Variants in ACAD11 observed in about 807,000 individuals in gnomAD.
ACAD11 encodes acyl-Coenzyme A dehydrogenase family, member 11.
ACAD11 carries 83 observed loss-of-function variants against 102.2 expected under a neutral mutation model. The ratio of observed to expected loss-of-function variants is 0.81; its 90% CI spans 0.68 to 0.97. The LOEUF (loss-of-function observed/expected upper bound fraction) is 0.97. Ranked by LOEUF, ACAD11 falls within the 50% of genes least tolerant of loss-of-function variation. ACAD11 has a pLI of 0.00. For missense variants in ACAD11, 901 were observed against 951.7 expected (o/e 0.95, Z 0.70); for synonymous variants, 324 against 319.8 (o/e 1.01, Z -0.14).
At chr3:132,601,225 C>G in intron 13 of ACAD11, 1 of 1,613,930 alleles carries the variant, frequency 6.2e-7, no homozygotes, top group Non-Finnish European at 8.5e-7. Flanking sequence ...CCAGCTGCAA[C>G]ATGAGCAAAC....
intron 13 of ACAD11, chr3:132,601,570 GA>G (rs2107822514): frequency 1.6e-6 from 1 of 612,918 alleles, no homozygotes; most frequent in East Asian, 2.8e-5. Context: ...TTATAATAAA[GA>G]ATGGGTTGGG....
At position 132,658,213 on chromosome 3, in the gene ACAD11, C is replaced by A. The variant is rs1028599345; in HGVS notation, c.149+1390G>T. Among the ~76,000 whole-genome samples, 3 of 150,680 alleles carry A rather than the reference C, an allele frequency of 2.0e-5. No individual in the cohort carries two copies. The East Asian group carries it at 5.9e-4, about 29-fold the overall frequency. Reference sequence around the variant, plus strand: ...GATTGATTCTTTTGAGTTTCTGAGACTTCCTTCATGGCCTATGTGTTTTCA... The same window carrying A: ...GATTGATTCTTTTGAGTTTCTGAGAATTCCTTCATGGCCTATGTGTTTTCA... On this transcript the variant is annotated intron_variant, in intron 1 of 19. Transcript: ENST00000264990.
intron 13 of ACAD11, chr3:132,600,275 T>C (rs1938509884): frequency 3.4e-6 from 3 of 879,256 alleles, no homozygotes; most frequent in South Asian, 3.8e-5. Context: ...CAGGCTCACA[T>C]ATGTTACAGC....
At chr3:132,591,204 G>T (rs1371977093) in intron 13 of ACAD11, among the ~76,000 whole-genome samples, 4 of 152,128 alleles carry the variant, frequency 2.6e-5, no homozygotes, top group African/African-American at 9.7e-5. Context: ...TACGGGTCCA[G>T]CTTCAATCTT....
Position 132,568,439 on chromosome 3 carries a change from T to C in ACAD11, c.2002-7222A>G, listed in dbSNP as rs78569896. Among the ~76,000 whole-genome samples the C allele has an allele frequency of 2.6e-3, 390 of 152,294 alleles. 4 individuals carry two copies. Among genetic ancestry groups the C allele is most frequent in the African/African-American group, 8.4e-3 (348 of 41,570 alleles). On this transcript the variant is annotated intron_variant, in intron 17 of 19. Transcript: ENST00000264990. ...GGAGAGATATACCAGGTTCACAGAA[T>C]AGAAAACTCCACATAGTAAAGATAT...
At chr3:132,614,540 T>A (rs1179481540) in intron 11 of ACAD11, among the ~76,000 whole-genome samples, 1 of 152,132 alleles carries the variant, frequency 6.6e-6, no homozygotes, top group African/African-American at 2.4e-5. Flanking sequence ...AACCATCTGA[T>A]CTTGGACAAA....
chr3:132,626,976 A>G, intron 8 of ACAD11, 159 bp from the exon 9 acceptor site: 1 of 626,502 alleles, frequency 1.6e-6, no homozygotes, highest in Non-Finnish European at 2.6e-6. Context: ...CATATTATGG[A>G]CTGAATGCAG....
intron 4 of ACAD11, among the ~76,000 whole-genome samples, chr3:132,639,941 T>G (rs1211354504): frequency 1.3e-5 from 2 of 151,496 alleles, no homozygotes; most frequent in Non-Finnish European, 2.9e-5. Flanking sequence ...GCAACTACTT[T>G]GTAGAAGAAA....
At chr3:132,634,664 C>T (rs988031913) in intron 5 of ACAD11, among the ~76,000 whole-genome samples, 40 of 152,140 alleles carry the variant, frequency 2.6e-4, no homozygotes, top group East Asian at 3.9e-4. Context: ...CCCAAATATC[C>T]AATAATGATA....
At chr3:132,566,258 G>A (rs1937205832) in intron 17 of ACAD11, among the ~76,000 whole-genome samples, 2 of 88,634 alleles carry the variant, frequency 2.3e-5, no homozygotes, top group South Asian at 6.6e-4. Context: ...TAGGACAATA[G>A]AAACAGCCCA....
intron 13 of ACAD11, among the ~76,000 whole-genome samples, chr3:132,587,125 GGTAC>G (rs1937876083): frequency 6.6e-6 from 1 of 151,900 alleles, no homozygotes; most frequent in Non-Finnish European, 1.5e-5. Flanking sequence ...ACAAAACTCT[GGTAC>G]GTGCACTGAC....
At chr3:132,620,372 C>T (rs554973108) in intron 9 of ACAD11, 1 of 152,280 alleles carries the variant, frequency 6.6e-6, no homozygotes, top group African/African-American at 2.4e-5. Context: ...ACAGTGCCTG[C>T]TAATACCTGG....
rs779432170 is a variant in ACAD11, at chr3:132,605,132, A to C, written c.1488T>G (p.Leu496=). The C allele has an allele frequency of 6.2e-7, 1 of 1,613,470 alleles. No homozygotes were observed. The highest frequency in any genetic ancestry group is 1.7e-5 in the Admixed American group (1 of 60,014). The change falls in exon 12 of 20, where the codon CTT becomes CTG. Residue 496 remains leucine (L), a synonymous_variant. Transcript: ENST00000264990. ...EQKKQWLEPL[L]QGNITSCFCM... The stretch of plus-strand genomic sequence containing the variant: ...AGAAGCAAGAGGTAATGTTCCCTTG[A>C]AGAAGAGGCTCAAGCCACTGTTTCT...
chr3:132,650,644 C>G (rs1940895370), intron 1 of ACAD11, among the ~76,000 whole-genome samples: 1 of 152,088 alleles, frequency 6.6e-6, no homozygotes, highest in African/African-American at 2.4e-5. Flanking sequence ...AGGACAAAGG[C>G]TTTTAAAGTT....
intron 4 of ACAD11, among the ~76,000 whole-genome samples, chr3:132,641,707 A>G (rs918038962): frequency 6.8e-4 from 90 of 132,612 alleles, no homozygotes; most frequent in African/African-American, 1.1e-3. Flanking sequence ...AGGAAGAAGA[A>G]GAAGAAGAAG....
intron 8 of ACAD11, 126 bp from the exon 9 acceptor site, chr3:132,626,943 TTTTA>T: frequency 3.4e-6 from 3 of 883,282 alleles, no homozygotes; most frequent in Non-Finnish European, 4.9e-6. Context: ...AGTAGCTGTA[TTTTA>T]TATTTTAAAA....
rs137896752 is a variant in ACAD11, at chr3:132,586,249, G to C, written c.1622-6691C>G. 7.8e-4 allele frequency among the ~76,000 whole-genome samples: 118 copies of C among 151,986 alleles called. 1 individual carries two copies. The highest frequency in any genetic ancestry group is 1.6e-3 in the African/African-American group (68 of 41,398). ...AGCAAACTATCGCAAGGACAAAAAAGCAAACACCGCATGTTCTCACTCATA... is the reference window on the plus strand; with the variant it reads ...AGCAAACTATCGCAAGGACAAAAAACCAAACACCGCATGTTCTCACTCATA... On this transcript the variant is annotated intron_variant, in intron 13 of 19. Coordinates refer to ENST00000264990, the MANE Select transcript of ACAD11 (RefSeq NM_032169.5).
intron 1 of ACAD11, among the ~76,000 whole-genome samples, chr3:132,656,808 A>T (rs1937831146): frequency 1.3e-5 from 2 of 151,698 alleles, no homozygotes. Flanking sequence ...CAGATTTTTT[A>T]AAAGTCAATT....
At chr3:132,579,137 T>TTA (rs1937563751) in intron 14 of ACAD11, 2 of 1,188,348 alleles carry the variant, frequency 1.7e-6, no homozygotes, top group Admixed American at 2.5e-5. Flanking sequence ...AACTGGGAAC[T>TTA]TATATATATA....
Sources: allele counts gnomAD v4.1 joint callset (sites outside exome capture counted in the v4.1 genomes callset), GRCh38; gene constraint gnomAD v4.1.1; transcripts MANE v1.5; gene names NCBI Gene and HGNC (gene_info 2026-07-23, HGNC 2026-07-21).